Variants in ATG10 observed in about 807,000 individuals in gnomAD.
The protein encoded by ATG10 is autophagy related 10.
ATG10 carries 30 observed loss-of-function variants against 32.1 expected under a neutral mutation model. The ratio of observed to expected loss-of-function variants is 0.94; its 90% confidence interval spans 0.70 to 1.27. The LOEUF (loss-of-function observed/expected upper bound fraction) is 1.27, where lower values mean the gene tolerates loss of function less well. ATG10 is among the 50% of genes most tolerant of loss of function. The pLI, the probability that ATG10 is intolerant of heterozygous loss-of-function variation, is 0.00. For synonymous variants in ATG10, 87 were observed against 91.5 expected (o/e 0.95, Z 0.28); for missense variants, 233 against 262.3 (o/e 0.89, Z 0.77).
chr5:82,128,766 C>G (rs533334707), intron 3 of ATG10, among the ~76,000 whole-genome samples: 156 of 148,498 alleles, frequency 1.1e-3, no homozygotes, highest in African/African-American at 3.7e-3. Context: ...GGTAACCCGA[C>G]CTTTCTCTCT....
At chr5:82,133,098 G>C (rs1257188538) in intron 3 of ATG10, among the ~76,000 whole-genome samples, 2 of 152,008 alleles carry the variant, frequency 1.3e-5, no homozygotes, top group Non-Finnish European at 2.9e-5. Flanking sequence ...TTTCTTTCTT[G>C]TAAATTTGTT....
chr5:82,191,891 T>C (rs928083737), intron 5 of ATG10, among the ~76,000 whole-genome samples: 2 of 152,166 alleles, frequency 1.3e-5, no homozygotes, highest in Non-Finnish European at 2.9e-5. Context: ...GGATTAAAAC[T>C]CAACTTCCAA....
chr5:81,982,838 C>G (rs553108488), intron 1 of ATG10, among the ~76,000 whole-genome samples: 2 of 152,198 alleles, frequency 1.3e-5, no homozygotes, highest in Non-Finnish European at 2.9e-5. Context: ...CATTTAACCC[C>G]GAGTGGACAC....
At chr5:82,016,437 A>G (rs2406911) in intron 2 of ATG10, among the ~76,000 whole-genome samples, 87,224 of 152,038 alleles carry the variant, frequency 0.57, 27,842 homozygotes, top group East Asian at 0.98. Context: ...CTGTTGGTCT[A>G]TAGGCTTATT....
At chr5:82,137,994 T>G (rs1766835089) in intron 3 of ATG10, among the ~76,000 whole-genome samples, 2 of 152,178 alleles carry the variant, frequency 1.3e-5, no homozygotes. Flanking sequence ...CTTCACCCAA[T>G]TTGAACTTCC....
intron 5 of ATG10, among the ~76,000 whole-genome samples, chr5:82,202,392 G>A (rs1185205690): frequency 2.0e-5 from 3 of 152,144 alleles, no homozygotes; most frequent in Non-Finnish European, 2.9e-5. Context: ...TTCTGCTAGC[G>A]TCTTTTGGAC....
intron 1 of ATG10, among the ~76,000 whole-genome samples, chr5:81,984,418 G>A (rs916891644): frequency 7.9e-5 from 12 of 152,064 alleles, no homozygotes; most frequent in Non-Finnish European, 1.8e-4. Flanking sequence ...GAGACCGTGG[G>A]GAGAGGGAGA....
chr5:82,094,419 A>G (rs1764987030), intron 3 of ATG10, among the ~76,000 whole-genome samples: 1 of 152,152 alleles, frequency 6.6e-6, no homozygotes, highest in Non-Finnish European at 1.5e-5. Context: ...TAAATAACAA[A>G]TAATAATGAT....
intron 2 of ATG10, among the ~76,000 whole-genome samples, chr5:82,051,238 A>G (rs1763410004): frequency 6.6e-6 from 1 of 152,144 alleles, no homozygotes; most frequent in Non-Finnish European, 1.5e-5. Flanking sequence ...GAGATGGTGA[A>G]TCGAGGGGGT....
At chr5:82,061,743 T>C (rs1227132393) in intron 3 of ATG10, among the ~76,000 whole-genome samples, 2 of 146,392 alleles carry the variant, frequency 1.4e-5, no homozygotes, top group Non-Finnish European at 3.0e-5. Flanking sequence ...TGGGTGTATG[T>C]GTATATATGT....
At chr5:82,091,971 A>T (rs1203763364) in intron 3 of ATG10, among the ~76,000 whole-genome samples, 1 of 152,216 alleles carries the variant, frequency 6.6e-6, no homozygotes, top group African/African-American at 2.4e-5. Context: ...ATGTTGGAAA[A>T]CACATGTTTC....
intron 3 of ATG10, among the ~76,000 whole-genome samples, chr5:82,090,981 TC>T (rs1222624914): frequency 6.6e-6 from 1 of 152,152 alleles, no homozygotes; most frequent in Admixed American, 6.6e-5. Flanking sequence ...ATTGAAAAAA[TC>T]CAATGAAATA....
intron 1 of ATG10, among the ~76,000 whole-genome samples, chr5:81,972,773 T>A (rs1229772371): frequency 1.3e-5 from 2 of 151,950 alleles, no homozygotes; most frequent in Non-Finnish European, 2.9e-5. Context: ...TTTTTAAACC[T>A]CCCAAAAAAC....
intron 2 of ATG10, among the ~76,000 whole-genome samples, chr5:82,021,741 G>A (rs959731409): frequency 6.6e-6 from 1 of 151,786 alleles, no homozygotes; most frequent in Admixed American, 6.6e-5. Flanking sequence ...TTAGCTGGGC[G>A]TGGCTGGGCA....
intron 2 of ATG10, among the ~76,000 whole-genome samples, chr5:82,016,364 T>A (rs1762286407): frequency 6.6e-6 from 1 of 152,184 alleles, no homozygotes; most frequent in Non-Finnish European, 1.5e-5. Flanking sequence ...TTATTTTGTT[T>A]GCTTTGTTGG....
chr5:82,097,125 AC>A (rs897827517), intron 3 of ATG10, among the ~76,000 whole-genome samples: 3 of 152,126 alleles, frequency 2.0e-5, no homozygotes, highest in African/African-American at 7.2e-5. Flanking sequence ...TTTTTAGTCA[AC>A]CTTGATTTTT....
chr5:82,194,136 A>G (rs1744765169), intron 5 of ATG10, among the ~76,000 whole-genome samples: 3 of 152,156 alleles, frequency 2.0e-5, no homozygotes, highest in Admixed American at 1.3e-4. Context: ...GGAAAGCCCC[A>G]TATGTGAGTG....
At chr5:82,212,879 C>T (rs986359758) in intron 5 of ATG10, among the ~76,000 whole-genome samples, 1 of 152,152 alleles carries the variant, frequency 6.6e-6, no homozygotes, top group Non-Finnish European at 1.5e-5. Flanking sequence ...CTATCCAGTT[C>T]CATGTTTTTA....
intron 3 of ATG10, among the ~76,000 whole-genome samples, chr5:82,133,242 T>A (rs1008906575): frequency 4.6e-5 from 7 of 152,182 alleles, no homozygotes; most frequent in Non-Finnish European, 8.8e-5. Flanking sequence ...TTAGTTTAAT[T>A]AGATCCCATT....
Sources: gnomAD v4.1 joint callset for allele counts (sites outside exome capture counted in the v4.1 genomes callset) on GRCh38, gnomAD v4.1.1 for gene constraint, MANE v1.5 for transcripts, NCBI Gene and HGNC (gene_info 2026-07-23, HGNC 2026-07-21) for gene names.